Variants in LRRC8B observed in about 807,000 individuals in gnomAD.
LRRC8B encodes the protein leucine rich repeat containing 8 VRAC subunit B, also known as volume-regulated anion channel subunit LRRC8B.
In LRRC8B, 23 loss-of-function variants were observed where a neutral mutation model predicts 58.8. That is an observed-to-expected ratio of 0.39 (90% CI 0.28 to 0.55). LRRC8B has a LOEUF of 0.55. Among genes scored for constraint, LRRC8B ranks in the 20% least tolerant of loss-of-function variants. The pLI is 0.62. For synonymous variants in LRRC8B, 359 were observed against 374.1 expected, an observed-to-expected ratio of 0.96 and a Z score of 0.47; for missense variants, 694 against 936.0, an observed-to-expected ratio of 0.74 and a Z score of 3.37.
chr1:89,585,723 C>T lies in LRRC8B; in HGVS notation c.2139+934C>T, dbSNP rs3950008. The stretch of plus-strand genomic sequence containing the variant: ...ACTCAGGAGCCTGAGGCAGGAGAAT[C>T]GCTTGAACCCGGGAGGTGGAGTTGC... On this transcript the variant is annotated intron_variant, in intron 5 of 5. Transcript: ENST00000330947. 6.4e-3 allele frequency among the ~76,000 whole-genome samples: 969 copies of T among 152,022 alleles called. 9 individuals are homozygous for T. The highest frequency in any genetic ancestry group is 0.023 in the African/African-American group (934 of 41,484).
intron 1 of LRRC8B, among the ~76,000 whole-genome samples, chr1:89,561,528 GT>G (rs1652654009): frequency 1.0e-5 from 1 of 95,272 alleles, no homozygotes; most frequent in East Asian, 2.6e-4. Context: ...TAGGTCTAAC[GT>G]TTAAATCTTT....
intron 1 of LRRC8B, among the ~76,000 whole-genome samples, chr1:89,540,034 T>C (rs1345350085): frequency 1.3e-5 from 2 of 152,216 alleles, no homozygotes; most frequent in Non-Finnish European, 2.9e-5. Context: ...TCTACATGCA[T>C]GTCTATTATT....
chr1:89,547,218 C>G (rs1570578733), intron 1 of LRRC8B, among the ~76,000 whole-genome samples: 1 of 109,526 alleles, frequency 9.1e-6, no homozygotes, highest in Non-Finnish European at 1.8e-5. Context: ...TGGAAAATGG[C>G]AAAGAACCAG....
At position 89,584,208 on chromosome 1, in the gene LRRC8B, T is replaced by A. The variant is rs1220040387; in HGVS notation, c.1558T>A (p.Cys520Ser). 1 of 1,611,620 alleles carries A rather than the reference T, an allele frequency of 6.2e-7. No individual in the cohort carries two copies. The highest frequency in any genetic ancestry group is 1.1e-5 in the South Asian group (1 of 91,088). Residue 520 changes from cysteine to serine, a missense_variant, in exon 5 of 6, where the codon TGT (cysteine) becomes AGT (serine). Cys to Ser is a moderately radical substitution (Grantham distance 112, BLOSUM62 -1). Transcript: ENST00000330947. ...KNLKELYLSG[C>S]VLPEQLSTMQ... ...TCTCAAGGAACTTTATCTTTCGGGC[T>A]GTGTTCTCCCTGAACAGTTGAGTAC...
Position 89,594,522 on chromosome 1 carries a change from T to C in LRRC8B, c.*1479T>C, listed in dbSNP as rs1040087629. On this transcript the variant is annotated 3_prime_UTR_variant, in exon 6 of 6. Transcript: ENST00000330947. Reference sequence around the variant, plus strand: ...TTAGTAAGAGTTAAAGCAAAAGACTTTTTTTCCCTCCATCTATGTAATCTC... The same window carrying C: ...TTAGTAAGAGTTAAAGCAAAAGACTCTTTTTCCCTCCATCTATGTAATCTC... 1 of 152,150 alleles carries C rather than the reference T, an allele frequency of 6.6e-6. No individual in the cohort carries two copies. The highest frequency in any genetic ancestry group is 6.6e-5 in the Admixed American group (1 of 15,248). The allele number at this position is 152,150 out of a possible 1,614,324, so 9.4% of individuals were successfully genotyped here.
chr1:89,543,446 T>C (rs941714402), intron 1 of LRRC8B, among the ~76,000 whole-genome samples: 1 of 152,104 alleles, frequency 6.6e-6, no homozygotes, highest in Non-Finnish European at 1.5e-5. Context: ...TATAAAACAA[T>C]CTATTATACA....
chr1:89,565,855 C>T (rs1271675436), intron 1 of LRRC8B, among the ~76,000 whole-genome samples: 7 of 152,090 alleles, frequency 4.6e-5, no homozygotes, highest in Non-Finnish European at 7.3e-5. Context: ...AATATTTGTT[C>T]GCCGTGTTTT....
chr1:89,548,957 G>A (rs1261082044), intron 1 of LRRC8B, among the ~76,000 whole-genome samples: 1 of 152,110 alleles, frequency 6.6e-6, no homozygotes, highest in Non-Finnish European at 1.5e-5. Context: ...ATGAAGATTG[G>A]GGTGTGATTG....
intron 1 of LRRC8B, among the ~76,000 whole-genome samples, chr1:89,560,043 G>T (rs1057450468): frequency 3.3e-5 from 5 of 152,324 alleles, no homozygotes; most frequent in African/African-American, 9.6e-5. Context: ...GAAACTGGAA[G>T]TAGAGACTCT....
chr1:89,569,563 T>C (rs1653293630), intron 3 of LRRC8B, among the ~76,000 whole-genome samples: 1 of 152,168 alleles, frequency 6.6e-6, no homozygotes, highest in South Asian at 2.1e-4. Context: ...AAAAAATGTA[T>C]TTAGTTTTCT....
intron 4 of LRRC8B, among the ~76,000 whole-genome samples, chr1:89,582,140 C>G (rs1654270130): frequency 6.6e-6 from 1 of 151,686 alleles, no homozygotes; most frequent in Non-Finnish European, 1.5e-5. Context: ...AGCTGTAATT[C>G]CAGCACTTTC....
intron 5 of LRRC8B, among the ~76,000 whole-genome samples, chr1:89,589,324 T>C (rs1340341608): frequency 6.6e-6 from 1 of 152,192 alleles, no homozygotes; most frequent in African/African-American, 2.4e-5. Flanking sequence ...GTGTCTCCTA[T>C]GCATCAATCC....
rs1181389334 is a variant in LRRC8B at position 89,584,755 on chromosome 1, G to A, written c.2105G>A (p.Ser702Asn). 5 of 1,610,382 alleles carry A rather than the reference G, an allele frequency of 3.1e-6. No homozygotes were observed. The South Asian group carries it at 5.5e-5, about 18-fold the overall frequency. The change falls in exon 5 of 6, where the codon AGT becomes AAT. Residue 702 changes from serine to asparagine, a missense_variant. Around this residue, in one of 5 missense-constraint regions of LRRC8B, gnomAD observed 139 missense variants for 158.2 expected, o/e 0.88. Coordinates refer to ENST00000330947, the MANE Select transcript of LRRC8B (RefSeq NM_001369817.2). ...ATTCCAGAAGAAATCCAGTATCTGAGTAATTTGCAGTACTTTGCTGTGACC... is the reference window on the plus strand; with the variant it reads ...ATTCCAGAAGAAATCCAGTATCTGAATAATTTGCAGTACTTTGCTGTGACC... ...TFIPEEIQYL[S>N]NLQYFAVTNN...
chr1:89,586,195 C>A (rs1327040604), intron 5 of LRRC8B, among the ~76,000 whole-genome samples: 1 of 152,132 alleles, frequency 6.6e-6, no homozygotes, highest in Non-Finnish European at 1.5e-5. Flanking sequence ...CCAGGGTTTC[C>A]GATTCAGTAG....
In LRRC8B at chr1:89,583,892, T is replaced by C; in HGVS notation, c.1242T>C (p.Leu414=). 6.2e-7 allele frequency: 1 copy of C among 1,614,172 alleles called. No homozygotes were observed. Among genetic ancestry groups the C allele is most frequent in the Non-Finnish European group, 8.5e-7 (1 of 1,180,024 alleles). The change falls in exon 5 of 6, where the codon CTT becomes CTC. Residue 414 remains leucine, a synonymous_variant. Coordinates refer to ENST00000330947, the MANE Select transcript of LRRC8B (RefSeq NM_001369817.2). The surrounding 1 kb of genome is among the most constrained non-coding windows in gnomAD (Gnocchi z 5.2). ...EWTVEKLKSK[L]VKNAQDKIEL... ...CAGTTGAGAAACTGAAAAGTAAGCT[T>C]GTGAAAAATGCCCAGGACAAGATAG...
In LRRC8B at chr1:89,583,084, C is replaced by G; in HGVS notation, c.434C>G (p.Thr145Ser). The part of the protein sequence containing the change: ...CSNFWLHYPS[T>S]SSRLEHFVAI... ...AACTTTTGGCTTCACTACCCCAGTA[C>G]CAGTTCCAGGCTCGAGCATTTTGTG... The change falls in exon 5 of 6, where the codon ACC (threonine) becomes AGC (serine). Residue 145 changes from threonine (T) to serine (S), a missense_variant. Transcript: ENST00000330947. This position sits in a 1 kb window ranked among gnomAD's most constrained non-coding sequence, Gnocchi z 5.2. 6.2e-7 allele frequency: 1 copy of G among 1,614,186 alleles called. No individual in the cohort carries two copies.
chr1:89,526,371 C>A (rs1334281215), intron 1 of LRRC8B, among the ~76,000 whole-genome samples: 1 of 152,314 alleles, frequency 6.6e-6, no homozygotes, highest in East Asian at 1.9e-4. Context: ...CCCGCCACCA[C>A]GCCCAGCTAA....
intron 1 of LRRC8B, among the ~76,000 whole-genome samples, chr1:89,535,253 T>C (rs1232158697): frequency 6.6e-6 from 1 of 152,138 alleles, no homozygotes; most frequent in Non-Finnish European, 1.5e-5. Context: ...AGATCACTGG[T>C]TTGGATGCTA....
At chr1:89,546,657 A>G (rs961570578) in intron 1 of LRRC8B, among the ~76,000 whole-genome samples, 1 of 152,208 alleles carries the variant, frequency 6.6e-6, no homozygotes, top group African/African-American at 2.4e-5. Flanking sequence ...GTGATTCCTT[A>G]GTGATATGAA....
Sources: gnomAD v4.1 joint callset for allele counts (sites outside exome capture counted in the v4.1 genomes callset) on GRCh38, gnomAD v4.1.1 for gene constraint, gnomAD v4.1.1 regional missense constraint, Gnocchi (gnomAD v3.1) non-coding constraint, MANE v1.5 for transcripts, NCBI Gene and HGNC (gene_info 2026-07-23, HGNC 2026-07-21) for gene names.